The following HNRNPR variants were observed in gnomAD, a reference collection of about 807,000 sequenced individuals.
HNRNPR encodes the protein heterogeneous nuclear ribonucleoprotein R.
A neutral mutation model predicts 70.3 loss-of-function variants in HNRNPR; 4 were observed. That is an observed-to-expected ratio of 0.06 (90% CI 0.03 to 0.13). The LOEUF (loss-of-function observed/expected upper bound fraction) is 0.13, where lower values mean the gene tolerates loss of function less well. Among genes scored for constraint, HNRNPR ranks in the 10% least tolerant of loss-of-function variants. The pLI, the probability that HNRNPR is intolerant of heterozygous loss-of-function variation, is 1.00. For missense variants in HNRNPR, 423 were observed against 788.5 expected, an observed-to-expected ratio of 0.54 and a Z score of 5.55; for synonymous variants, 241 against 267.6, an observed-to-expected ratio of 0.90 and a Z score of 0.97.
In HNRNPR at chr1:23,309,784, A is replaced by G. The variant is rs1645265734; in HGVS notation, c.*670T>C. ...GGACACAATTGAATTTGAAATAGGT[A>G]ATGTTTTGAATAGATTTTTTAGTTT... On this transcript the variant is annotated 3_prime_UTR_variant, in exon 11 of 11. Coordinates refer to ENST00000302271, the MANE Select transcript of HNRNPR (RefSeq NM_005826.5). The G allele has an allele frequency of 6.6e-6, 1 of 152,614 alleles. No individual in the cohort carries two copies. Among genetic ancestry groups the G allele is most frequent in the Non-Finnish European group, 1.5e-5 (1 of 68,008 alleles). 9.5% of individuals were successfully genotyped at this position (152,614 alleles called of 1,614,324 possible). A position where few individuals can be genotyped will look rare whatever the true frequency, so the allele number is the denominator to read the frequency against.
chr1:23,325,876 T>C (rs1414527016), intron 5 of HNRNPR, among the ~76,000 whole-genome samples: 1 of 152,170 alleles, frequency 6.6e-6, no homozygotes, highest in Non-Finnish European at 1.5e-5. Context: ...TTGGTTTGTT[T>C]TTGAGACAGG....
chr1:23,309,522 GTTTTT>G lies in HNRNPR; in HGVS notation c.*927_*931del, dbSNP rs3835421. The G allele has an allele frequency of 6.7e-6, 1 of 148,746 alleles. No individual in the cohort carries two copies. Among genetic ancestry groups the G allele is most frequent in the Non-Finnish European group, 1.5e-5 (1 of 66,968 alleles). 9.2% of individuals were successfully genotyped at this position (148,746 alleles called of 1,614,324 possible). A position where few individuals can be genotyped will look rare whatever the true frequency, so the allele number is the denominator to read the frequency against. On this transcript the variant is annotated 3_prime_UTR_variant, in exon 11 of 11. Transcript: ENST00000302271. Reference sequence around the variant, plus strand: ...AGAATGCTCAAAAGTCTATGAACCTGTTTTTTTTTTTTTAATAAAAGATAAAATTT... The same window carrying G: ...AGAATGCTCAAAAGTCTATGAACCTGTTTTTTTTAATAAAAGATAAAATTT...
At chr1:23,342,725 C>T (rs888639391) in intron 1 of HNRNPR, among the ~76,000 whole-genome samples, 7 of 152,150 alleles carry the variant, frequency 4.6e-5, no homozygotes, top group African/African-American at 1.7e-4. Context: ...TCACAAGACC[C>T]TTACAGCATT....
At chr1:23,328,859 T>C (rs1646102977) in intron 5 of HNRNPR, among the ~76,000 whole-genome samples, 1 of 152,144 alleles carries the variant, frequency 6.6e-6, no homozygotes, top group Non-Finnish European at 1.5e-5. Flanking sequence ...TGACTCACAC[T>C]TGTAAACCCA....
intron 5 of HNRNPR, among the ~76,000 whole-genome samples, chr1:23,324,818 A>C (rs1645900303): frequency 6.6e-6 from 1 of 152,112 alleles, no homozygotes; most frequent in Non-Finnish European, 1.5e-5. Flanking sequence ...AATTTTCTTC[A>C]AGTTTTTCCA....
At chr1:23,317,888 G>A (rs1003651067) in intron 8 of HNRNPR, among the ~76,000 whole-genome samples, 3 of 151,902 alleles carry the variant, frequency 2.0e-5, no homozygotes, top group Non-Finnish European at 2.9e-5. Context: ...GCTGAGGAAG[G>A]AGAATCGCTT....
chr1:23,336,034 G>T (rs1330675711), intron 4 of HNRNPR, among the ~76,000 whole-genome samples: 1 of 145,680 alleles, frequency 6.9e-6, no homozygotes, highest in African/African-American at 2.6e-5. Context: ...GGAGAATGGC[G>T]TGAACCCGGG....
chr1:23,315,263 G>C (rs1204795334), intron 8 of HNRNPR, among the ~76,000 whole-genome samples: 1 of 133,262 alleles, frequency 7.5e-6, no homozygotes, highest in African/African-American at 3.1e-5. Flanking sequence ...CTGGGTGACA[G>C]AGCAAGGCTC....
At position 23,308,577 on chromosome 1, in the gene HNRNPR, T is replaced by C. The variant is rs1312280389; in HGVS notation, c.*1877A>G. On this transcript the variant is annotated 3_prime_UTR_variant, in exon 11 of 11. Transcript: ENST00000302271. Reference sequence around the variant, plus strand: ...AACTGGATCTGTCTTACCAAAGAAATACCCATGTTAACTCAAAACTATCAT... The same window carrying C: ...AACTGGATCTGTCTTACCAAAGAAACACCCATGTTAACTCAAAACTATCAT... 1.3e-5 allele frequency: 2 copies of C among 152,088 alleles called. No individual in the cohort carries two copies. Among genetic ancestry groups the C allele is most frequent in the Non-Finnish European group, 2.9e-5 (2 of 67,920 alleles). The allele number at this position is 152,088 out of a possible 1,614,324, so 9.4% of individuals were successfully genotyped here.
chr1:23,344,162 CGCATCGGGGCT>C (rs1646824211), intron 1 of HNRNPR, 38 bp downstream of exon 1: 1 of 151,174 alleles, frequency 6.6e-6, no homozygotes, highest in African/African-American at 2.4e-5. Context: ...TGAGTCGGGT[CGCATCGGGGCT>C]CCCGGCCCCT....
intron 4 of HNRNPR, among the ~76,000 whole-genome samples, chr1:23,335,276 A>G (rs543953962): frequency 6.1e-4 from 93 of 152,368 alleles, no homozygotes; most frequent in African/African-American, 2.0e-3. Context: ...CATCAAGTTC[A>G]GTGAACACTA....
intron 1 of HNRNPR, among the ~76,000 whole-genome samples, chr1:23,341,988 T>C (rs1009762783): frequency 2.0e-5 from 3 of 152,140 alleles, no homozygotes; most frequent in African/African-American, 7.2e-5. Context: ...GACAGGGAAT[T>C]AAAGTGCATT....
In HNRNPR at chr1:23,333,522, G is replaced by A. The variant is rs142602286; in HGVS notation, c.494C>T (p.Thr165Met). The change falls in exon 5 of 11, where the codon ACG becomes ATG. Residue 165 changes from threonine to methionine, a missense_variant. Thr to Met is a moderately conservative substitution (Grantham distance 81, BLOSUM62 -1). Coordinates refer to ENST00000302271, the MANE Select transcript of HNRNPR (RefSeq NM_005826.5). ...AAACTGCTAAAGAACACTTACCTCCGTTCCAATTCCAGGTTGCACGCCAGA... is the reference window on the plus strand; with the variant it reads ...AAACTGCTAAAGAACACTTACCTCCATTCCAATTCCAGGTTGCACGCCAGA... Reference protein sequence around the residue: ...VYSGVQPGIGTEVFVGKIPRD... With the variant: ...VYSGVQPGIGMEVFVGKIPRD... The A allele has an allele frequency of 3.3e-5, 52 of 1,595,118 alleles. No homozygotes were observed. Among genetic ancestry groups the A allele is most frequent in the Non-Finnish European group, 4.0e-5 (47 of 1,162,848 alleles).
chr1:23,304,750 T>C lies in HNRNPR; in HGVS notation c.*5704A>G, dbSNP rs1409819576. 4 of 152,344 alleles carry C rather than the reference T, an allele frequency of 2.6e-5. No homozygotes were observed. Among genetic ancestry groups the C allele is most frequent in the South Asian group, 4.1e-4 (2 of 4,832 alleles). 9.4% of individuals were successfully genotyped at this position (152,344 alleles called of 1,614,324 possible). A position where few individuals can be genotyped will look rare whatever the true frequency, so the allele number is the denominator to read the frequency against. Reference sequence around the variant, plus strand: ...TCGTACAAATATTCCAATACAGTTATGGTACATGAACACTGTACCAAAAGC... The same window carrying C: ...TCGTACAAATATTCCAATACAGTTACGGTACATGAACACTGTACCAAAAGC... On this transcript the variant is annotated 3_prime_UTR_variant, in exon 11 of 11. Coordinates refer to ENST00000302271, the MANE Select transcript of HNRNPR (RefSeq NM_005826.5).
intron 8 of HNRNPR, among the ~76,000 whole-genome samples, chr1:23,315,564 G>A (rs559458769): frequency 1.8e-4 from 28 of 152,180 alleles, no homozygotes; most frequent in African/African-American, 3.9e-4. Context: ...CATATTTGCC[G>A]AAGGAAATAC....
rs1645185138 is a variant in HNRNPR, at chr1:23,305,148, T to C, written c.*5306A>G. On this transcript the variant is annotated 3_prime_UTR_variant, in exon 11 of 11. Transcript: ENST00000302271. ...TGGTTCCACAAAATGTATTTTGTTT[T>C]TAGTGTTTAAAGTCAACAAACTGGC... The C allele has an allele frequency of 6.6e-6, 1 of 152,214 alleles. No homozygotes were observed. The highest frequency in any genetic ancestry group is 2.4e-5 in the African/African-American group (1 of 41,456). 9.4% of individuals were successfully genotyped at this position (152,214 alleles called of 1,614,324 possible).
chr1:23,319,840 G>A (rs1645688106), intron 7 of HNRNPR, among the ~76,000 whole-genome samples: 1 of 152,062 alleles, frequency 6.6e-6, no homozygotes, highest in Non-Finnish European at 1.5e-5. Flanking sequence ...ACCTTGGCAC[G>A]TGTTGCTGTC....
chr1:23,341,065 T>A, intron 1 of HNRNPR, 48 bp from the exon 2 acceptor site: 1 of 1,428,810 alleles, frequency 7.0e-7, no homozygotes, highest in Non-Finnish European at 9.7e-7. Flanking sequence ...CAGAAATAAC[T>A]AGTTTGTAGG....
rs537153967 is a variant in HNRNPR at position 23,305,659 on chromosome 1, C to T, written c.*4795G>A. The T allele has an allele frequency of 6.6e-6, 1 of 151,976 alleles. No homozygotes were observed. Among genetic ancestry groups the T allele is most frequent in the Non-Finnish European group, 1.5e-5 (1 of 67,966 alleles). The allele number at this position is 151,976 out of a possible 1,614,324, so 9.4% of individuals were successfully genotyped here. A position where few individuals can be genotyped will look rare whatever the true frequency, so the allele number is the denominator to read the frequency against. On this transcript the variant is annotated 3_prime_UTR_variant, in exon 11 of 11. Transcript: ENST00000302271. Reference sequence around the variant, plus strand: ...ATCTATACCTTACCATCATGGAATCCCCTACAAACTATAAGATGAGGGATT... The same window carrying T: ...ATCTATACCTTACCATCATGGAATCTCCTACAAACTATAAGATGAGGGATT...
Sources: gnomAD v4.1 joint callset for allele counts (sites outside exome capture counted in the v4.1 genomes callset) on GRCh38, gnomAD v4.1.1 for gene constraint, MANE v1.5 for transcripts, NCBI Gene and HGNC (gene_info 2026-07-23, HGNC 2026-07-21) for gene names.